Variants in UBE4A observed in about 807,000 individuals in gnomAD.
The protein encoded by UBE4A is ubiquitin conjugation factor E4 A.
A neutral mutation model predicts 117.9 loss-of-function variants in UBE4A; 48 were observed. The observed-to-expected ratio is 0.41, with a 90% confidence interval of 0.32 to 0.52. UBE4A has a LOEUF of 0.52. Ranked by LOEUF, UBE4A falls within the 20% of genes least tolerant of loss-of-function variation. UBE4A has a pLI of 0.33. For missense variants in UBE4A, 1,067 were observed against 1,296.3 expected (o/e 0.82, Z 2.72); for synonymous variants, 407 against 450.0 (o/e 0.90, Z 1.21).
chr11:118,361,426 T>C (rs2134082667), intron 1 of UBE4A, among the ~76,000 whole-genome samples: 1 of 152,350 alleles, frequency 6.6e-6, no homozygotes, highest in African/African-American at 2.4e-5. Flanking sequence ...CTGGGTACTC[T>C]TACTTTGGTA....
rs971266738 is a variant in UBE4A at position 118,379,856 on chromosome 11, G to C, written c.1876+106G>C. 11 of 1,328,936 alleles carry C rather than the reference G, an allele frequency of 8.3e-6. No individual in the cohort carries two copies. The East Asian group carries it at 2.7e-4, about 33-fold the overall frequency. 82.3% of individuals were successfully genotyped at this position (1,328,936 alleles called of 1,614,324 possible). A position where few individuals can be genotyped will look rare whatever the true frequency, so the allele number is the denominator to read the frequency against. ...AATACCCTTTCTTCGTTATCATTCA[G>C]TTGTTTTTGGAGAAACAACTCAAAC... On this transcript the variant is annotated intron_variant, in intron 11 of 19. Transcript: ENST00000252108.
chr11:118,375,131 A>G lies in UBE4A; in HGVS notation c.1352A>G (p.Lys451Arg). ...CTGAAGCTATGCCAGCCATTTTGCA[A>G]ACCCAGATCCTCTCGGCTCCTCACC... ...ALLKLCQPFC[K>R]PRSSRLLTFN... Residue 451 changes from lysine to arginine, a missense_variant, in exon 9 of 20, where the codon AAA becomes AGA. Lys to Arg is a conservative substitution (Grantham distance 26). Around this residue, in one of 3 missense-constraint regions of UBE4A, gnomAD observed 1,001 missense variants for 1,184.0 expected, o/e 0.85. Transcript: ENST00000252108. 1.9e-6 allele frequency: 3 copies of G among 1,614,184 alleles called. No individual in the cohort carries two copies. Among genetic ancestry groups the G allele is most frequent in the Non-Finnish European group, 2.5e-6 (3 of 1,180,022 alleles).
intron 10 of UBE4A, chr11:118,378,934 C>T (rs1427705571): frequency 6.5e-6 from 1 of 153,864 alleles, no homozygotes; most frequent in Non-Finnish European, 1.4e-5. Context: ...CTGGAAGCTG[C>T]TCTTAGATTG....
chr11:118,396,127 A>G (rs192338934), intron 19 of UBE4A, among the ~76,000 whole-genome samples, 187 bp from the exon 20 acceptor site: 5 of 152,136 alleles, frequency 3.3e-5, no homozygotes, highest in African/African-American at 1.2e-4. Flanking sequence ...AGAAATAGAC[A>G]AAGTAGCTAC....
At position 118,384,692 on chromosome 11, in the gene UBE4A, T is replaced by G; in HGVS notation, c.2255T>G (p.Leu752Arg). The G allele has an allele frequency of 6.2e-7, 1 of 1,614,098 alleles. No individual in the cohort carries two copies. The highest frequency in any genetic ancestry group is 8.5e-7 in the Non-Finnish European group (1 of 1,179,996). Residue 752 changes from leucine (L) to arginine (R), a missense_variant, in exon 14 of 20, where the codon CTA becomes CGA. Coordinates refer to ENST00000252108, the MANE Select transcript of UBE4A (RefSeq NM_001204077.2). ...TACCGCCGTCCCATGTATCCTATCC[T>G]AAGATACATGTGGGGGACAGATACC... ...FNYRRPMYPI[L>R]RYMWGTDTYR...
Position 118,398,193 on chromosome 11 carries a change from T to TC in UBE4A, c.*1754dup, listed in dbSNP as rs1948892762. ...AACGAGGGGAAAAGACCAGAGTTTTTCAGGAGAAAACTGGAGGAAAATGGG... is the reference window on the plus strand; with the variant it reads ...AACGAGGGGAAAAGACCAGAGTTTTTCCAGGAGAAAACTGGAGGAAAATGGG... On this transcript the variant is annotated 3_prime_UTR_variant, in exon 20 of 20. Coordinates refer to ENST00000252108, the MANE Select transcript of UBE4A (RefSeq NM_001204077.2). 6.6e-6 allele frequency: 1 copy of TC among 152,602 alleles called. No individual in the cohort carries two copies. The highest frequency in any genetic ancestry group is 6.6e-5 in the Admixed American group (1 of 15,266). The allele number at this position is 152,602 out of a possible 1,614,324, so 9.5% of individuals were successfully genotyped here. A position where few individuals can be genotyped will look rare whatever the true frequency, so the allele number is the denominator to read the frequency against.
intron 19 of UBE4A, among the ~76,000 whole-genome samples, chr11:118,394,603 T>G (rs1439059973): frequency 2.0e-5 from 3 of 151,962 alleles, no homozygotes; most frequent in Admixed American, 1.3e-4. Flanking sequence ...AAACCCCGTC[T>G]CTACTAAAAA....
rs2134092326 is a variant in UBE4A, at chr11:118,373,124, G to A, written c.760G>A (p.Glu254Lys). ...AACTGAGTTTCTGGAAGAGGTCATT[G>A]AAGCCTTGATATTGGATGAGGAAGT... ...DVTEFLEEVI[E>K]ALILDEEVRT... The change falls in exon 7 of 20, where the codon GAA (glutamate) becomes AAA (lysine). Residue 254 changes from glutamate (E) to lysine (K), a missense_variant. Coordinates refer to ENST00000252108, the MANE Select transcript of UBE4A (RefSeq NM_001204077.2). The A allele has an allele frequency of 6.2e-7, 1 of 1,614,026 alleles. No homozygotes were observed. The highest frequency in any genetic ancestry group is 1.1e-5 in the South Asian group (1 of 91,072).
At chr11:118,380,247 G>C (rs782026633) in intron 11 of UBE4A, among the ~76,000 whole-genome samples, 1 of 151,140 alleles carries the variant, frequency 6.6e-6, no homozygotes, top group Admixed American at 6.6e-5. Context: ...CATTGTATTG[G>C]CCATATCATG....
chr11:118,398,826 G>GT lies in UBE4A; in HGVS notation c.*2387dup. On this transcript the variant is annotated 3_prime_UTR_variant, in exon 20 of 20. Transcript: ENST00000252108. ...TTTTAATATACTTTTTAATGGATAT[G>GT]TGAAAACTGAAGGAAATGTTAAAGG... 5.5e-6 allele frequency: 1 copy of GT among 183,152 alleles called. No homozygotes were observed. Among genetic ancestry groups the GT allele is most frequent in the South Asian group, 8.3e-5 (1 of 12,090 alleles). 11.3% of individuals were successfully genotyped at this position (183,152 alleles called of 1,614,324 possible).
rs1555127294 is a variant in UBE4A, at chr11:118,386,591, A to G, written c.2566A>G (p.Thr856Ala). Reference sequence around the variant, plus strand: ...CATCATGTCCAATGAAACAATCGGTACCCTTGCCTTTCTCACATCAGGTAA... The same window carrying G: ...CATCATGTCCAATGAAACAATCGGTGCCCTTGCCTTTCTCACATCAGGTAA... The part of the protein sequence containing the change: ...HNIMSNETIG[T>A]LAFLTSEIKS... The change falls in exon 16 of 20, where the codon ACC becomes GCC. Residue 856 changes from threonine to alanine, a missense_variant. Physicochemically the swap from Thr to Ala is moderately conservative, Grantham distance 58 (BLOSUM62 0). This residue lies in a region of UBE4A where 1,001 missense variants were observed against 1,184.0 expected (regional missense o/e 0.85). Transcript: ENST00000252108. 6.3e-7 allele frequency: 1 copy of G among 1,577,154 alleles called. No individual in the cohort carries two copies. Among genetic ancestry groups the G allele is most frequent in the Non-Finnish European group, 8.6e-7 (1 of 1,166,194 alleles).
intron 1 of UBE4A, among the ~76,000 whole-genome samples, chr11:118,359,992 G>T (rs1948508019): frequency 6.6e-6 from 1 of 152,142 alleles, no homozygotes; most frequent in African/African-American, 2.4e-5. Context: ...CGGGCGGGTG[G>T]ATCTCCCTCC....
At position 118,384,847 on chromosome 11, in the gene UBE4A, G is replaced by T; in HGVS notation, c.2314G>T (p.Ala772Ser). The change falls in exon 15 of 20, where the codon GCC (alanine) becomes TCC (serine). Residue 772 changes from alanine to serine, a missense_variant. Ala to Ser is a moderately conservative substitution (Grantham distance 99). This residue lies in a region of UBE4A where 1,001 missense variants were observed against 1,184.0 expected (regional missense o/e 0.85). Transcript: ENST00000252108. ...RESIKDLADY[A>S]SKNLEAMNPP... ...GGACTTACAGGATTTGGCTGACTAT[G>T]CCTCTAAGAATTTAGAAGCCATGAA... The T allele has an allele frequency of 6.2e-7, 1 of 1,612,540 alleles. No individual in the cohort carries two copies. The highest frequency in any genetic ancestry group is 1.1e-5 in the South Asian group (1 of 91,028).
intron 19 of UBE4A, among the ~76,000 whole-genome samples, chr11:118,393,900 T>G (rs1165374380): frequency 1.3e-5 from 2 of 151,810 alleles, no homozygotes; most frequent in African/African-American, 4.8e-5. Flanking sequence ...CCAGCCTGCT[T>G]TTTCTAATTC....
Position 118,386,693 on chromosome 11 carries a change from C to T in UBE4A, c.2587+81C>T, listed in dbSNP as rs782314002. Reference sequence around the variant, plus strand: ...ACTTGGGGGATCAGCCCAGCTGAAACTAAGAATTCAGACCCTGGTGACAGT... The same window carrying T: ...ACTTGGGGGATCAGCCCAGCTGAAATTAAGAATTCAGACCCTGGTGACAGT... On this transcript the variant is annotated intron_variant, in intron 16 of 19. Coordinates refer to ENST00000252108, the MANE Select transcript of UBE4A (RefSeq NM_001204077.2). The T allele has an allele frequency of 1.3e-5, 18 of 1,414,916 alleles. No homozygotes were observed. In the African/African-American group the frequency reaches 1.5e-4, roughly 12 times the overall value. 87.6% of individuals were successfully genotyped at this position (1,414,916 alleles called of 1,614,324 possible).
intron 10 of UBE4A, 150 bp downstream of exon 10, chr11:118,376,844 G>T: frequency 2.2e-6 from 2 of 912,460 alleles, no homozygotes; most frequent in Non-Finnish European, 3.1e-6. Context: ...GAGGCCAGAA[G>T]TTTAAGACCA....
chr11:118,360,688 T>A (rs891966813), intron 1 of UBE4A, among the ~76,000 whole-genome samples: 1 of 152,362 alleles, frequency 6.6e-6, no homozygotes, highest in Admixed American at 6.5e-5. Flanking sequence ...CACACTTGTG[T>A]GTTCATGAGA....
chr11:118,371,814 C>G (rs1328912569), intron 5 of UBE4A, 148 bp downstream of exon 5: 1 of 795,014 alleles, frequency 1.3e-6, no homozygotes, highest in Non-Finnish European at 1.8e-6. Flanking sequence ...GCTTTTATAT[C>G]AATTTATATA....
intron 1 of UBE4A, among the ~76,000 whole-genome samples, chr11:118,360,275 A>T (rs1234022475): frequency 6.6e-6 from 1 of 152,114 alleles, no homozygotes; most frequent in East Asian, 1.9e-4. Flanking sequence ...TCCTTTTAGG[A>T]TCAGTTTTAT....
Sources: gnomAD v4.1 joint callset for allele counts (sites outside exome capture counted in the v4.1 genomes callset) on GRCh38, gnomAD v4.1.1 for gene constraint, gnomAD v4.1.1 regional missense constraint, MANE v1.5 for transcripts, NCBI Gene and HGNC (gene_info 2026-07-23, HGNC 2026-07-21) for gene names.